EMC10: variants seen among roughly 807,000 people sequenced by gnomAD.
The protein encoded by EMC10 is ER membrane protein complex subunit 10, also known as UPF0510 protein INM02.
In EMC10, 40 loss-of-function variants were observed where a neutral mutation model predicts 32.2. The observed-to-expected ratio is 1.24, with a 90% confidence interval of 0.96 to 1.61. EMC10 has a LOEUF of 1.61. EMC10 is among the 40% of genes most tolerant of loss of function. EMC10 has a pLI of 0.00. For synonymous variants in EMC10, 178 were observed against 158.4 expected (o/e 1.12, Z -0.93); for missense variants, 402 against 357.7 (o/e 1.12, Z -1.00).
Position 50,487,060 on chromosome 19 carries a change from C to T in EMC10, c.*4801C>T, listed in dbSNP as rs1978385508. The T allele has an allele frequency of 6.6e-6, 1 of 152,172 alleles. No individual in the cohort carries two copies. Among genetic ancestry groups the T allele is most frequent in the Non-Finnish European group, 1.5e-5 (1 of 68,040 alleles). 9.4% of individuals were successfully genotyped at this position (152,172 alleles called of 1,614,324 possible). A position where few individuals can be genotyped will look rare whatever the true frequency, so the allele number is the denominator to read the frequency against. ...GAATGCCTCAGGCCGGCGCCTGTGG[C>T]TTCTCTCAATGGAGGGAAGTGTCCT... On this transcript the variant is annotated 3_prime_UTR_variant, in exon 7 of 7. Coordinates refer to ENST00000334976, the MANE Select transcript of EMC10 (RefSeq NM_206538.4).
intron 6 of EMC10, 55 bp downstream of exon 6, chr19:50,481,032 G>C: frequency 3.5e-6 from 5 of 1,434,232 alleles, no homozygotes; most frequent in Non-Finnish European, 4.8e-6. Flanking sequence ...CCGGTGCCTG[G>C]CCAGGCCCTC....
rs1978571962 is a variant in EMC10 at position 50,490,314 on chromosome 19, C to T, written c.*8055C>T. The T allele has an allele frequency of 6.6e-6, 1 of 152,102 alleles. No individual in the cohort carries two copies. The highest frequency in any genetic ancestry group is 1.5e-5 in the Non-Finnish European group (1 of 68,032). The allele number at this position is 152,102 out of a possible 1,614,324, so 9.4% of individuals were successfully genotyped here. A position where few individuals can be genotyped will look rare whatever the true frequency, so the allele number is the denominator to read the frequency against. ...TTTTTTAGTAGAGACGGGGTTTCAC[C>T]ATTTTGGCTAGGCTGGTCTCGAATT... On this transcript the variant is annotated 3_prime_UTR_variant, in exon 7 of 7. Transcript: ENST00000334976.
Position 50,480,247 on chromosome 19 carries a change from C to A in EMC10, c.402+32C>A. 6.3e-7 allele frequency: 1 copy of A among 1,577,120 alleles called. No homozygotes were observed. The highest frequency in any genetic ancestry group is 8.7e-7 in the Non-Finnish European group (1 of 1,151,922). Reference sequence around the variant, plus strand: ...TGGTGTCGGGGATGAGCCCCCTTCTCCCTCGTCCTCCTCATCCCCTACCCT... The same window carrying A: ...TGGTGTCGGGGATGAGCCCCCTTCTACCTCGTCCTCCTCATCCCCTACCCT... On this transcript the variant is annotated intron_variant, in intron 4 of 6. Coordinates refer to ENST00000334976, the MANE Select transcript of EMC10 (RefSeq NM_206538.4). This position sits in a 1 kb window ranked among gnomAD's most constrained non-coding sequence, Gnocchi z 4.4.
intron 3 of EMC10, 70 bp downstream of exon 3, chr19:50,479,136 C>A (rs940616517): frequency 4.8e-6 from 6 of 1,246,166 alleles, no homozygotes; most frequent in South Asian, 1.3e-5. Flanking sequence ...TCAGCCACCC[C>A]CTGCTGGTCC....
Position 50,480,948 on chromosome 19 carries a change from C to A in EMC10, c.649C>A (p.Gln217Lys), listed in dbSNP as rs374258787. 5.1e-5 allele frequency: 83 copies of A among 1,612,630 alleles called. No homozygotes were observed. The highest frequency in any genetic ancestry group is 6.8e-5 in the Non-Finnish European group (80 of 1,179,000). Residue 217 changes from glutamine to lysine, a missense_variant, in exon 6 of 7, where the codon CAG (glutamine) becomes AAG (lysine). Gln to Lys is a moderately conservative substitution (Grantham distance 53, BLOSUM62 1). Coordinates refer to ENST00000334976, the MANE Select transcript of EMC10 (RefSeq NM_206538.4). This position sits in a 1 kb window ranked among gnomAD's most constrained non-coding sequence, Gnocchi z 4.4. ...MEQAQKAKNP[Q>K]EQKSFFAKYW... is the part of the protein sequence containing the mutation. ...ACAGGCCCAGAAGGCCAAGAACCCC[C>A]AGGAGCAGAAGTCCTTCTTCGCCAA...
chr19:50,480,124 T>C lies in EMC10; in HGVS notation c.311T>C (p.Leu104Pro), dbSNP rs1218305026. Residue 104 changes from leucine to proline, a missense_variant, in exon 4 of 7, where the codon CTG becomes CCG. By Grantham distance (98) the Leu-to-Pro change is moderately conservative (BLOSUM62 -3). Coordinates refer to ENST00000334976, the MANE Select transcript of EMC10 (RefSeq NM_206538.4). The surrounding 1 kb of genome is among the most constrained non-coding windows in gnomAD (Gnocchi z 4.4). ...TCCCATCCCCAGGATGTGGCAGCCC[T>C]GAATGGCCTGTACCGGGTCCGGATC... is the stretch of plus-strand genomic sequence containing the variant. ...ERGRLRDVAALNGLYRVRIPR... is the reference protein window; with the variant it reads ...ERGRLRDVAAPNGLYRVRIPR... 2 of 1,611,048 alleles carry C rather than the reference T, an allele frequency of 1.2e-6. No individual in the cohort carries two copies. The highest frequency in any genetic ancestry group is 1.7e-6 in the Non-Finnish European group (2 of 1,179,084).
At chr19:50,479,146 C>A (rs1338088725) in intron 3 of EMC10, 80 bp downstream of exon 3, 5 of 1,147,072 alleles carry the variant, frequency 4.4e-6, no homozygotes, top group Non-Finnish European at 6.3e-6. Context: ...CCTGCTGGTC[C>A]CCAGCAGCCT....
rs1978487563 is a variant in EMC10, at chr19:50,488,771, GGGAGA to G, written c.*6521_*6525del. 6.6e-6 allele frequency: 1 copy of G among 152,230 alleles called. No homozygotes were observed. The highest frequency in any genetic ancestry group is 2.1e-4 in the South Asian group (1 of 4,808). 9.4% of individuals were successfully genotyped at this position (152,230 alleles called of 1,614,324 possible). ...AGAGAGGAGGAGGGAGGAGCACAGAGGGAGAGGAGAGGAAACAGCCAGAGAATCTG... is the reference window on the plus strand; with the variant it reads ...AGAGAGGAGGAGGGAGGAGCACAGAGGGAGAGGAAACAGCCAGAGAATCTG... On this transcript the variant is annotated 3_prime_UTR_variant, in exon 7 of 7. Transcript: ENST00000334976.
rs1001146212 is a variant in EMC10, at chr19:50,482,314, T to C, written c.*55T>C. On this transcript the variant is annotated 3_prime_UTR_variant, in exon 7 of 7. Coordinates refer to ENST00000334976, the MANE Select transcript of EMC10 (RefSeq NM_206538.4). Reference sequence around the variant, plus strand: ...CACACCCAGGGGCCTCCCTTTCTGCTGGAGTCCCCTGTGTCCTCAGCCATC... The same window carrying C: ...CACACCCAGGGGCCTCCCTTTCTGCCGGAGTCCCCTGTGTCCTCAGCCATC... 1.3e-6 allele frequency: 1 copy of C among 749,364 alleles called. No homozygotes were observed. Among genetic ancestry groups the C allele is most frequent in the East Asian group, 2.7e-5 (1 of 37,350 alleles). The allele number at this position is 749,364 out of a possible 1,614,324, so 46.4% of individuals were successfully genotyped here. A position where few individuals can be genotyped will look rare whatever the true frequency, so the allele number is the denominator to read the frequency against.
rs764768288 is a variant in EMC10 at position 50,480,160 on chromosome 19, C to G, written c.347C>G (p.Pro116Arg). 1.2e-5 allele frequency: 19 copies of G among 1,613,802 alleles called. No homozygotes were observed. Among genetic ancestry groups the G allele is most frequent in the Non-Finnish European group, 1.6e-5 (19 of 1,179,912 alleles). The change falls in exon 4 of 7, where the codon CCC (proline) becomes CGC (arginine). Residue 116 changes from proline to arginine, a missense_variant. Physicochemically the swap from Pro to Arg is moderately radical, Grantham distance 103 (BLOSUM62 -2). Transcript: ENST00000334976. The surrounding 1 kb of genome is among the most constrained non-coding windows in gnomAD (Gnocchi z 4.4). ...GLYRVRIPRR[P>R]GALDGLEAGG... ...TACCGGGTCCGGATCCCAAGGCGAC[C>G]CGGGGCCCTGGATGGCCTGGAAGCT... is the stretch of plus-strand genomic sequence containing the variant.
rs375346309 is a variant in EMC10 at position 50,481,956 on chromosome 19, C to G, written c.679-193C>G. 67 of 1,607,884 alleles carry G rather than the reference C, an allele frequency of 4.2e-5. 2 individuals are homozygous for G. In the South Asian group the frequency reaches 6.8e-4, roughly 16 times the overall value. ...CGCCACAGGAGGCCTGAGTGAGGAC[C>G]GAGACCCCTGCCCCTCCCTGCGCCC... On this transcript the variant is annotated intron_variant, in intron 6 of 6. Coordinates refer to ENST00000334976, the MANE Select transcript of EMC10 (RefSeq NM_206538.4).
Position 50,482,955 on chromosome 19 carries a change from G to T in EMC10, c.*696G>T, listed in dbSNP as rs2040346814. Reference sequence around the variant, plus strand: ...TCCAGACTTGAAGGAAAAGGTTTAAGAAAGAAAACAAAACCAACAGTTAGT... The same window carrying T: ...TCCAGACTTGAAGGAAAAGGTTTAATAAAGAAAACAAAACCAACAGTTAGT... On this transcript the variant is annotated 3_prime_UTR_variant, in exon 7 of 7. Coordinates refer to ENST00000334976, the MANE Select transcript of EMC10 (RefSeq NM_206538.4). 4 of 581,294 alleles carry T rather than the reference G, an allele frequency of 6.9e-6. No homozygotes were observed. Among genetic ancestry groups the T allele is most frequent in the South Asian group, 2.0e-5 (1 of 49,842 alleles). The allele number at this position is 581,294 out of a possible 1,614,324, so 36.0% of individuals were successfully genotyped here.
In EMC10 at chr19:50,482,997, C is replaced by A. The variant is rs898779246; in HGVS notation, c.*738C>A. On this transcript the variant is annotated 3_prime_UTR_variant, in exon 7 of 7. Transcript: ENST00000334976. ...ACAGTTAGTGGAGTCAAAGCCCAGA[C>A]ACTGTAAATAGAACCCCCTCCACCA... is the stretch of plus-strand genomic sequence containing the variant. The A allele has an allele frequency of 1.0e-5, 6 of 590,822 alleles. No individual in the cohort carries two copies. The highest frequency in any genetic ancestry group is 2.5e-5 in the Admixed American group (1 of 39,464). 36.6% of individuals were successfully genotyped at this position (590,822 alleles called of 1,614,324 possible).
rs1225285589 is a variant in EMC10 at position 50,480,609 on chromosome 19, A to C, written c.431A>C (p.Asp144Ala). ...ACSLVESHLS[D>A]QLTLHVDVAG... ...TCCCTGGTGGAGTCGCACCTGTCGG[A>C]CCAGCTGACCCTGCACGTGGATGTG... is the stretch of plus-strand genomic sequence containing the variant. The change falls in exon 5 of 7, where the codon GAC (aspartate) becomes GCC (alanine). Residue 144 changes from aspartate (D) to alanine (A), a missense_variant. Physicochemically the swap from Asp to Ala is moderately radical, Grantham distance 126. Coordinates refer to ENST00000334976, the MANE Select transcript of EMC10 (RefSeq NM_206538.4). The surrounding 1 kb of genome is among the most constrained non-coding windows in gnomAD (Gnocchi z 4.4). The C allele has an allele frequency of 6.4e-7, 1 of 1,566,958 alleles. No individual in the cohort carries two copies. The highest frequency in any genetic ancestry group is 1.2e-5 in the South Asian group (1 of 85,250).
chr19:50,482,969 C>T lies in EMC10; in HGVS notation c.*710C>T. ...AAAAGGTTTAAGAAAGAAAACAAAA[C>T]CAACAGTTAGTGGAGTCAAAGCCCA... On this transcript the variant is annotated 3_prime_UTR_variant, in exon 7 of 7. Coordinates refer to ENST00000334976, the MANE Select transcript of EMC10 (RefSeq NM_206538.4). 3.4e-6 allele frequency: 2 copies of T among 580,736 alleles called. No homozygotes were observed. The highest frequency in any genetic ancestry group is 1.9e-5 in the African/African-American group (1 of 53,244). The allele number at this position is 580,736 out of a possible 1,614,324, so 36.0% of individuals were successfully genotyped here.
In EMC10 at chr19:50,476,577, G is replaced by A. The variant is rs778145597; in HGVS notation, c.33G>A (p.Leu11=). 7 of 1,575,784 alleles carry A rather than the reference G, an allele frequency of 4.4e-6. No homozygotes were observed. The highest frequency in any genetic ancestry group is 6.0e-6 in the Non-Finnish European group (7 of 1,166,426). MAAASAGATR[L]LLLLLMAVAA... is the part of the protein sequence containing the mutation. ...CAGCCAGCGCTGGGGCAACCCGGCT[G>A]CTCCTGCTCTTGCTGATGGCGGTAG... The change falls in exon 1 of 7, where the codon CTG becomes CTA. Residue 11 remains leucine, a synonymous_variant. Coordinates refer to ENST00000334976, the MANE Select transcript of EMC10 (RefSeq NM_206538.4).
At chr19:50,477,062 C>T (rs1025727838) in intron 1 of EMC10, 1 of 166,532 alleles carries the variant, frequency 6.0e-6, no homozygotes, top group African/African-American at 2.5e-5. Context: ...TCAAGACCAG[C>T]CTGGGCAACA....
rs56988126 is a variant in EMC10, at chr19:50,488,295, C to CAAAAAAAAAAAAA, written c.*6047_*6059dup. 2.0e-5 allele frequency: 1 copy of CAAAAAAAAAAAAA among 49,884 alleles called. No homozygotes were observed. Among genetic ancestry groups the CAAAAAAAAAAAAA allele is most frequent in the Non-Finnish European group, 3.8e-5 (1 of 26,422 alleles). The allele number at this position is 49,884 out of a possible 1,614,324, so 3.1% of individuals were successfully genotyped here. The stretch of plus-strand genomic sequence containing the variant: ...TGGGCGACAGAGCGAGACTCCGTCT[C>CAAAAAAAAAAAAA]AAAAAAAAAAAAAAAAAAAAAAAGA... On this transcript the variant is annotated 3_prime_UTR_variant, in exon 7 of 7. Transcript: ENST00000334976.
Position 50,488,769 on chromosome 19 carries a change from G to C in EMC10, c.*6510G>C, listed in dbSNP as rs1050871835. 2.0e-5 allele frequency: 3 copies of C among 152,180 alleles called. No individual in the cohort carries two copies. Among genetic ancestry groups the C allele is most frequent in the Non-Finnish European group, 4.4e-5 (3 of 68,338 alleles). The allele number at this position is 152,180 out of a possible 1,614,324, so 9.4% of individuals were successfully genotyped here. A position where few individuals can be genotyped will look rare whatever the true frequency, so the allele number is the denominator to read the frequency against. ...GGAGAGAGGAGGAGGGAGGAGCACAGAGGGAGAGGAGAGGAAACAGCCAGA... is the reference window on the plus strand; with the variant it reads ...GGAGAGAGGAGGAGGGAGGAGCACACAGGGAGAGGAGAGGAAACAGCCAGA... On this transcript the variant is annotated 3_prime_UTR_variant, in exon 7 of 7. Transcript: ENST00000334976.
Sources: gnomAD v4.1 joint callset for allele counts on GRCh38, gnomAD v4.1.1 for gene constraint, Gnocchi (gnomAD v3.1) non-coding constraint, MANE v1.5 for transcripts, NCBI Gene and HGNC (gene_info 2026-07-23, HGNC 2026-07-21) for gene names.